ALDH1L2: variants seen among roughly 807,000 people sequenced by gnomAD.
ALDH1L2 encodes mitochondrial 10-formyltetrahydrofolate dehydrogenase.
In ALDH1L2, 91 loss-of-function variants were observed where a neutral mutation model predicts 111.0. That is an observed-to-expected ratio of 0.82 (90% confidence interval 0.69 to 0.98). The LOEUF is 0.98. Ranked by LOEUF, ALDH1L2 falls within the 50% of genes least tolerant of loss-of-function variation. The pLI is 0.00. For synonymous variants in ALDH1L2, 374 were observed against 392.6 expected (o/e 0.95, Z 0.56); for missense variants, 995 against 1,126.8 (o/e 0.88, Z 1.67).
chr12:105,061,817 T>C, intron 7 of ALDH1L2, 65 bp from the exon 8 acceptor site: 1 of 1,595,290 alleles, frequency 6.3e-7, no homozygotes, highest in Non-Finnish European at 8.6e-7. Context: ...GTGAGGCTGG[T>C]GGGAGGAGTC....
chr12:105,033,048 G>C (rs1267627666), intron 19 of ALDH1L2, among the ~76,000 whole-genome samples: 2 of 152,184 alleles, frequency 1.3e-5, no homozygotes, highest in Non-Finnish European at 2.9e-5. Flanking sequence ...ATTCTGGTAA[G>C]AAGAATGGGA....
intron 6 of ALDH1L2, among the ~76,000 whole-genome samples, chr12:105,064,032 C>A (rs1426493309): frequency 7.1e-6 from 1 of 141,554 alleles, no homozygotes; most frequent in African/African-American, 2.6e-5. Flanking sequence ...CTCGCTGCAA[C>A]CTCTGCCTCC....
chr12:105,032,066 G>A, intron 19 of ALDH1L2, 132 bp from the exon 20 acceptor site: 1 of 901,224 alleles, frequency 1.1e-6, no homozygotes, highest in Non-Finnish European at 1.6e-6. Flanking sequence ...ACCGGAGGTA[G>A]GTGGTTGGTT....
intron 22 of ALDH1L2, among the ~76,000 whole-genome samples, chr12:105,025,916 C>T (rs912110739): frequency 2.0e-5 from 3 of 152,160 alleles, no homozygotes; most frequent in Non-Finnish European, 2.9e-5. Context: ...CCTCTGAGCT[C>T]GTGTGAGAAT....
chr12:105,025,557 G>C (rs533495069), intron 22 of ALDH1L2, among the ~76,000 whole-genome samples: 116 of 152,106 alleles, frequency 7.6e-4, no homozygotes, highest in Non-Finnish European at 1.4e-3. Flanking sequence ...AGTTGGGGGG[G>C]AAGCCCTTAC....
At position 105,055,524 on chromosome 12, in the gene ALDH1L2, C is replaced by T. The variant is rs147582784; in HGVS notation, c.1287+2549G>A. ...CACCTTTCAACAAAAGATTACAAGA[C>T]GTGCAGAGAAACAGGAAAGTATGGC... On this transcript the variant is annotated intron_variant, in intron 10 of 22. Coordinates refer to ENST00000258494, the MANE Select transcript of ALDH1L2 (RefSeq NM_001034173.4). Among the ~76,000 whole-genome samples, 1,058 of 152,044 alleles carry T rather than the reference C, an allele frequency of 7.0e-3. 7 individuals are homozygous for T. Among genetic ancestry groups the T allele is most frequent in the Middle Eastern group, 0.027 (8 of 294 alleles).
chr12:105,035,625 A>G (rs964171809), intron 18 of ALDH1L2, among the ~76,000 whole-genome samples: 5 of 152,102 alleles, frequency 3.3e-5, no homozygotes, highest in African/African-American at 1.2e-4. Flanking sequence ...GCCATAAATC[A>G]TAAATATTTA....
chr12:105,024,343 C>T lies in ALDH1L2; in HGVS notation c.*81G>A. On this transcript the variant is annotated 3_prime_UTR_variant, in exon 23 of 23. Coordinates refer to ENST00000258494, the MANE Select transcript of ALDH1L2 (RefSeq NM_001034173.4). ...TTTGGTTTGTGGCTGACACCTCCTG[C>T]CTCAACACACCCAATCTTCTTAAGT... The T allele has an allele frequency of 6.5e-7, 1 of 1,543,938 alleles. No homozygotes were observed.
chr12:105,042,861 A>G (rs1224578395), intron 15 of ALDH1L2, among the ~76,000 whole-genome samples: 1 of 138,576 alleles, frequency 7.2e-6, no homozygotes, highest in African/African-American at 2.6e-5. Flanking sequence ...AGCAATGCAA[A>G]TCTCCAAAGC....
intron 10 of ALDH1L2, among the ~76,000 whole-genome samples, chr12:105,053,584 T>G (rs924810604): frequency 5.9e-5 from 9 of 152,214 alleles, no homozygotes; most frequent in Non-Finnish European, 1.3e-4. Context: ...AAAAATTATT[T>G]CACAGAGAGG....
intron 7 of ALDH1L2, 44 bp downstream of exon 7, chr12:105,062,844 A>G: frequency 6.3e-7 from 1 of 1,586,276 alleles, no homozygotes; most frequent in South Asian, 1.2e-5. Context: ...GTTATAGAAG[A>G]AAATCAAAAG....
rs1875046969 is a variant in ALDH1L2 at position 105,036,205 on chromosome 12, T to C, written c.2146-1807A>G. Among the ~76,000 whole-genome samples, 2 of 40,600 alleles carry C rather than the reference T, an allele frequency of 4.9e-5. 1 individual carries two copies. Among genetic ancestry groups the C allele is most frequent in the African/African-American group, 4.5e-4 (2 of 4,440 alleles). The allele number at this position is 40,600 out of a possible 152,430, so 26.6% of individuals were successfully genotyped here. On this transcript the variant is annotated intron_variant, in intron 18 of 22. Coordinates refer to ENST00000258494, the MANE Select transcript of ALDH1L2 (RefSeq NM_001034173.4). ...TATATGTGTATATAATATATACACG[T>C]ATATTTATATATGTGTATATAATAT... is the stretch of plus-strand genomic sequence containing the variant.
At chr12:105,053,416 C>G (rs1409370789) in intron 10 of ALDH1L2, among the ~76,000 whole-genome samples, 2 of 152,156 alleles carry the variant, frequency 1.3e-5, no homozygotes, top group Non-Finnish European at 2.9e-5. Context: ...CTGCCAGTGG[C>G]TGGCAAGCAA....
chr12:105,045,988 TTGGCTGC>T (rs1321430131), intron 15 of ALDH1L2, among the ~76,000 whole-genome samples: 1 of 151,864 alleles, frequency 6.6e-6, no homozygotes, highest in East Asian at 1.9e-4. Context: ...CAGTGTTAAC[TTGGCTGC>T]CATATTTTTT....
intron 15 of ALDH1L2, among the ~76,000 whole-genome samples, chr12:105,044,846 A>G (rs1057095594): frequency 6.6e-6 from 1 of 151,996 alleles, no homozygotes; most frequent in Non-Finnish European, 1.5e-5. Context: ...TAAGTAAAAT[A>G]TGTTTTATCT....
rs1565952183 is a variant in ALDH1L2 at position 105,036,513 on chromosome 12, TTTATATATATATATATATATATA to T, written c.2145+1567_2145+1589del. ...TATATTTATATATGTATATATATAT[TTTATATATATATATATATATATA>T]TATATATATATATATATATATATAT... On this transcript the variant is annotated intron_variant, in intron 18 of 22. Transcript: ENST00000258494. 5.9e-4 allele frequency among the ~76,000 whole-genome samples: 32 copies of T among 53,842 alleles called. 3 individuals are homozygous for T. The East Asian group carries it at 9.0e-3, about 15-fold the overall frequency. The allele number at this position is 53,842 out of a possible 152,430, so 35.3% of individuals were successfully genotyped here. A position where few individuals can be genotyped will look rare whatever the true frequency, so the allele number is the denominator to read the frequency against.
chr12:105,026,723 C>T lies in ALDH1L2; in HGVS notation c.2538G>A (p.Gln846=). The T allele has an allele frequency of 1.2e-6, 2 of 1,614,184 alleles. No homozygotes were observed. The highest frequency in any genetic ancestry group is 1.1e-5 in the South Asian group (1 of 91,074). Residue 846 remains glutamine, a synonymous_variant, in exon 22 of 23, where the codon CAG becomes CAA. Coordinates refer to ENST00000258494, the MANE Select transcript of ALDH1L2 (RefSeq NM_001034173.4). ...AACCATACTCTGTACTATTTGCTCG[C>T]TGCAACACTCCATCGATGTCCCTGT... ...FQNGDIDGVL[Q]RANSTEYGLA...
At chr12:105,063,920 C>T (rs1877173081) in intron 6 of ALDH1L2, among the ~76,000 whole-genome samples, 2 of 151,382 alleles carry the variant, frequency 1.3e-5, no homozygotes, top group South Asian at 4.2e-4. Context: ...TGAATACTTA[C>T]TCTAGGCCCA....
At chr12:105,057,804 A>T (rs1876726407) in intron 10 of ALDH1L2, among the ~76,000 whole-genome samples, 1 of 152,202 alleles carries the variant, frequency 6.6e-6, no homozygotes, top group Non-Finnish European at 1.5e-5. Flanking sequence ...GTAAAGAATG[A>T]CTGCCAATGG....
Sources: allele counts gnomAD v4.1 joint callset (sites outside exome capture counted in the v4.1 genomes callset), GRCh38; gene constraint gnomAD v4.1.1; transcripts MANE v1.5; gene names NCBI Gene and HGNC (gene_info 2026-07-23, HGNC 2026-07-21).